NCOA2: variants seen among roughly 807,000 people sequenced by gnomAD.
NCOA2 encodes the protein class E basic helix-loop-helix protein 75.
A neutral mutation model predicts 145.1 loss-of-function variants in NCOA2; 21 were observed. The ratio of observed to expected loss-of-function variants is 0.14; its 90% CI spans 0.10 to 0.21. The LOEUF (loss-of-function observed/expected upper bound fraction) is 0.21. NCOA2 is among the 10% of genes least tolerant of loss of function. The probability of loss-of-function intolerance (pLI) is 1.00; values close to 1 mark genes in which losing one functional copy is unlikely to be tolerated. For synonymous variants in NCOA2, 619 were observed against 637.5 expected (o/e 0.97, Z 0.44); for missense variants, 1,472 against 1,837.6 (o/e 0.80, Z 3.64).
At chr8:70,120,118 T>A (rs1262146596) in intron 22 of NCOA2, among the ~76,000 whole-genome samples, 1 of 152,182 alleles carries the variant, frequency 6.6e-6, no homozygotes, top group Non-Finnish European at 1.5e-5. Context: ...AATGGGATTA[T>A]CTGTTTTATT....
At chr8:70,159,058 C>CAG (rs1046490144) in intron 10 of NCOA2, among the ~76,000 whole-genome samples, 6 of 151,450 alleles carry the variant, frequency 4.0e-5, no homozygotes, top group Admixed American at 2.0e-4. Flanking sequence ...CCCCACGCTG[C>CAG]AGATACTAAA....
rs1814081456 is a variant in NCOA2 at position 70,170,155 on chromosome 8, A to C, written c.541+47T>G. 12 of 1,556,172 alleles carry C rather than the reference A, an allele frequency of 7.7e-6. No individual in the cohort carries two copies. In the East Asian group the frequency reaches 2.7e-4, roughly 35 times the overall value. On this transcript the variant is annotated intron_variant, in intron 6 of 22. Transcript: ENST00000452400. ...AGACACTGTGTGTATGAGGCAGGGC[A>C]GGTGGGGGTGACGGGAGGTAGGGAG...
At chr8:70,424,879 C>G in the NCOA2 span, among the ~76,000 whole-genome samples, 1 of 152,154 alleles carries the variant, frequency 6.6e-6, no homozygotes, top group Non-Finnish European at 1.5e-5. Context: ...ATCCCTAGCT[C>G]AAGGGCAGTT....
chr8:70,262,872 T>C (rs1824253876), intron 2 of NCOA2, among the ~76,000 whole-genome samples: 1 of 152,120 alleles, frequency 6.6e-6, no homozygotes, highest in Non-Finnish European at 1.5e-5. Flanking sequence ...TATGCACAGA[T>C]ACCTATAAAG....
At chr8:70,274,058 G>A (rs1459030979) in intron 2 of NCOA2, among the ~76,000 whole-genome samples, 14 of 152,106 alleles carry the variant, frequency 9.2e-5, no homozygotes, top group Admixed American at 6.6e-4. Flanking sequence ...TAATTAAGCC[G>A]AAGAAGTCTG....
At chr8:70,185,124 G>A (rs1053275136) in intron 4 of NCOA2, among the ~76,000 whole-genome samples, 12 of 152,106 alleles carry the variant, frequency 7.9e-5, no homozygotes, top group African/African-American at 1.7e-4. Flanking sequence ...CTCATCATAT[G>A]TAGACTCTTC....
the NCOA2 span, among the ~76,000 whole-genome samples, chr8:70,412,801 T>C: frequency 6.6e-6 from 1 of 151,790 alleles, no homozygotes; most frequent in Non-Finnish European, 1.5e-5. Flanking sequence ...CCACTTAACA[T>C]AAAAGTTAAT....
At chr8:70,440,009 T>C in the NCOA2 span, among the ~76,000 whole-genome samples, 4 of 152,208 alleles carry the variant, frequency 2.6e-5, no homozygotes, top group Non-Finnish European at 4.4e-5. Flanking sequence ...GAGAGACCCA[T>C]TGGTAGCACA....
rs185958023 is a variant in NCOA2 at position 70,306,853 on chromosome 8, T to G, written c.-76-10053A>C. Among the ~76,000 whole-genome samples, 21 of 152,324 alleles carry G rather than the reference T, an allele frequency of 1.4e-4. No individual in the cohort carries two copies. The East Asian group carries it at 4.1e-3, about 29-fold the overall frequency. On this transcript the variant is annotated intron_variant, in intron 1 of 22. Coordinates refer to ENST00000452400, the MANE Select transcript of NCOA2 (RefSeq NM_006540.4). The stretch of plus-strand genomic sequence containing the variant: ...ATGTTTGTGCCATCACACTCCAGCC[T>G]GGGTGACAGAGCAAGACCATGTCTC...
chr8:70,240,328 T>C (rs1822017226), intron 2 of NCOA2, among the ~76,000 whole-genome samples: 1 of 152,194 alleles, frequency 6.6e-6, no homozygotes. Flanking sequence ...CATGGCCTGG[T>C]ATACAGAAAC....
At chr8:70,202,337 G>A (rs1418711248) in intron 4 of NCOA2, among the ~76,000 whole-genome samples, 1 of 151,864 alleles carries the variant, frequency 6.6e-6, no homozygotes, top group Non-Finnish European at 1.5e-5. Context: ...CTCACTTCTG[G>A]GTATATACCC....
intron 2 of NCOA2, among the ~76,000 whole-genome samples, chr8:70,255,678 T>A (rs549328150): frequency 6.6e-6 from 1 of 152,280 alleles, no homozygotes; most frequent in East Asian, 1.9e-4. Flanking sequence ...ACATTGCCAA[T>A]TAAATCACTT....
In NCOA2 at chr8:70,180,390, A is replaced by G. The variant is rs183908273; in HGVS notation, c.260-5531T>C. Among the ~76,000 whole-genome samples the G allele has an allele frequency of 4.0e-3, 612 of 152,318 alleles. 4 individuals carry two copies. The highest frequency in any genetic ancestry group is 0.014 in the African/African-American group (588 of 41,562). ...CTCCTTCTCCATTTGCCCGCGCTCC[A>G]GAAATCCAACACCAATTAATTAGAT... On this transcript the variant is annotated intron_variant, in intron 4 of 22. Coordinates refer to ENST00000452400, the MANE Select transcript of NCOA2 (RefSeq NM_006540.4).
At chr8:70,313,159 GT>G (rs1260758667) in intron 1 of NCOA2, among the ~76,000 whole-genome samples, 1 of 152,178 alleles carries the variant, frequency 6.6e-6, no homozygotes, top group Non-Finnish European at 1.5e-5. Context: ...TAATATAAGT[GT>G]GGTTTTGCCC....
chr8:70,407,086 A>G (rs1385951813), upstream of NCOA2, among the ~76,000 whole-genome samples: 1 of 152,254 alleles, frequency 6.6e-6, no homozygotes, highest in African/African-American at 2.4e-5. Context: ...GCTAATATGT[A>G]GCACAGTTAT....
intron 2 of NCOA2, 52 bp from the exon 3 acceptor site, chr8:70,216,816 G>T: frequency 8.9e-7 from 1 of 1,128,968 alleles, no homozygotes; most frequent in Non-Finnish European, 1.3e-6. Context: ...AGCTGATGAT[G>T]AAGTGTCTGA....
rs78028621 is a variant in NCOA2 at position 70,310,209 on chromosome 8, C to T, written c.-76-13409G>A. Among the ~76,000 whole-genome samples, 204 of 151,128 alleles carry T rather than the reference C, an allele frequency of 1.3e-3. 2 individuals are homozygous for T. The highest frequency in any genetic ancestry group is 4.8e-3 in the African/African-American group (196 of 41,174). ...ATACAAAAATTAGCTAGGTATGGTG[C>T]GGGGGGTGCCTGTAATCCCAGCTTC... On this transcript the variant is annotated intron_variant, in intron 1 of 22. Coordinates refer to ENST00000452400, the MANE Select transcript of NCOA2 (RefSeq NM_006540.4).
chr8:70,212,659 G>C (rs1407671822), intron 4 of NCOA2, among the ~76,000 whole-genome samples: 4 of 152,168 alleles, frequency 2.6e-5, no homozygotes, highest in African/African-American at 7.2e-5. Flanking sequence ...ATTTGTGACA[G>C]ATAAGAGCAG....
intron 2 of NCOA2, among the ~76,000 whole-genome samples, chr8:70,295,926 AAG>A (rs1315762585): frequency 6.6e-6 from 1 of 152,170 alleles, no homozygotes; most frequent in Non-Finnish European, 1.5e-5. Flanking sequence ...GACTGGGTGA[AAG>A]AGCGAGATTC....
Sources: allele counts gnomAD v4.1 joint callset (sites outside exome capture counted in the v4.1 genomes callset), GRCh38; gene constraint gnomAD v4.1.1; transcripts MANE v1.5; gene names NCBI Gene and HGNC (gene_info 2026-07-23, HGNC 2026-07-21).